Variants in AUTS2 observed in about 807,000 individuals in gnomAD.
AUTS2 encodes the protein autism susceptibility gene 2 protein.
A neutral mutation model predicts 112.4 loss-of-function variants in AUTS2; 17 were observed. The observed-to-expected ratio is 0.15, with a 90% CI of 0.10 to 0.23. AUTS2 has a LOEUF of 0.23. Ranked by LOEUF, AUTS2 falls within the 10% of genes least tolerant of loss-of-function variation. AUTS2 has a pLI of 1.00. For synonymous variants in AUTS2, 751 were observed against 702.7 expected, an observed-to-expected ratio of 1.07 and a Z score of -1.09; for missense variants, 1,510 against 1,701.6, an observed-to-expected ratio of 0.89 and a Z score of 1.98.
chr7:70,505,181 T>G (rs537741893), intron 5 of AUTS2, among the ~76,000 whole-genome samples: 7 of 152,308 alleles, frequency 4.6e-5, no homozygotes, highest in Admixed American at 4.6e-4. Context: ...TATGCGTTCA[T>G]TAGCCTCAGG....
chr7:70,659,771 T>A (rs1360538824), intron 5 of AUTS2, among the ~76,000 whole-genome samples: 1 of 152,094 alleles, frequency 6.6e-6, no homozygotes, highest in Non-Finnish European at 1.5e-5. Flanking sequence ...TAGTGTAATG[T>A]CAAATCGTGG....
chr7:69,651,402 C>T (rs185457751), intron 1 of AUTS2, among the ~76,000 whole-genome samples: 5 of 152,328 alleles, frequency 3.3e-5, no homozygotes, highest in African/African-American at 9.6e-5. Context: ...GGCCATTTTA[C>T]TCCGTGGCTA....
intron 1 of AUTS2, among the ~76,000 whole-genome samples, chr7:69,834,143 C>G (rs1306950372): frequency 6.6e-6 from 1 of 152,168 alleles, no homozygotes; most frequent in African/African-American, 2.4e-5. Context: ...TCCCCTGCAC[C>G]TCTACGTCAC....
chr7:69,688,092 C>A (rs565981767), intron 1 of AUTS2, among the ~76,000 whole-genome samples: 7 of 152,326 alleles, frequency 4.6e-5, no homozygotes, highest in South Asian at 4.1e-4. Flanking sequence ...TGAGTAAATA[C>A]GCATTTGAAC....
intron 14 of AUTS2, among the ~76,000 whole-genome samples, chr7:70,778,678 CTCTT>C (rs1158726562): frequency 3.3e-5 from 5 of 152,104 alleles, no homozygotes; most frequent in African/African-American, 4.8e-5. Context: ...CAGATACCTG[CTCTT>C]TCTTATAACA....
intron 1 of AUTS2, among the ~76,000 whole-genome samples, chr7:69,756,298 C>G (rs1395312798): frequency 6.6e-6 from 1 of 152,176 alleles, no homozygotes; most frequent in Non-Finnish European, 1.5e-5. Flanking sequence ...TACAGACAGG[C>G]TGCTAAAGCC....
chr7:69,935,270 A>G (rs1177713045), intron 2 of AUTS2, among the ~76,000 whole-genome samples: 1 of 149,816 alleles, frequency 6.7e-6, no homozygotes, highest in Non-Finnish European at 1.5e-5. Flanking sequence ...AGGTGTAGAT[A>G]TATGTGTTGC....
chr7:69,816,721 T>G, intron 1 of AUTS2, among the ~76,000 whole-genome samples: 1 of 152,228 alleles, frequency 6.6e-6, no homozygotes. Flanking sequence ...TCCACATTCT[T>G]TTTGTAGATA....
intron 4 of AUTS2, among the ~76,000 whole-genome samples, chr7:70,157,437 G>A (rs942472895): frequency 6.6e-6 from 1 of 151,908 alleles, no homozygotes; most frequent in African/African-American, 2.4e-5. Flanking sequence ...ATGCCACCAT[G>A]CCTGGCTAAT....
rs561959241 is a variant in AUTS2 at position 69,860,519 on chromosome 7, C to T, written c.310-38767C>T. ...TCCAACATCCCCCACACCCCTGCAC[C>T]GGAATCACAATTTACCAGGGAACCA... On this transcript the variant is annotated intron_variant, in intron 1 of 18. Transcript: ENST00000342771. Among the ~76,000 whole-genome samples, 7 of 152,202 alleles carry T rather than the reference C, an allele frequency of 4.6e-5. No individual in the cohort carries two copies. In the East Asian group the frequency reaches 1.2e-3, roughly 25 times the overall value.
At chr7:69,655,086 T>A (rs897887569) in intron 1 of AUTS2, among the ~76,000 whole-genome samples, 1 of 152,152 alleles carries the variant, frequency 6.6e-6, no homozygotes, top group Non-Finnish European at 1.5e-5. Context: ...CAGCATCAGT[T>A]GATGCACCTG....
intron 1 of AUTS2, chr7:69,663,065 G>T (rs1475157585): frequency 6.6e-6 from 1 of 152,178 alleles, no homozygotes; most frequent in Non-Finnish European, 1.5e-5. Context: ...TTTTCTAACT[G>T]ATTGAGATTC....
chr7:70,511,057 C>T (rs1799162036), intron 5 of AUTS2, among the ~76,000 whole-genome samples: 2 of 152,106 alleles, frequency 1.3e-5, no homozygotes, highest in Non-Finnish European at 2.9e-5. Flanking sequence ...CCATGTTGGT[C>T]AGGCTAGTCT....
chr7:70,419,992 T>G (rs1282282210), intron 4 of AUTS2, among the ~76,000 whole-genome samples: 2 of 152,184 alleles, frequency 1.3e-5, no homozygotes, highest in Admixed American at 6.5e-5. Flanking sequence ...CAGTGATAAT[T>G]ATCTCAGAGC....
intron 1 of AUTS2, among the ~76,000 whole-genome samples, chr7:69,829,011 C>A (rs569062868): frequency 4.2e-4 from 64 of 152,214 alleles, no homozygotes; most frequent in African/African-American, 1.4e-3. Context: ...GCTACAGTAA[C>A]CAAAACAGCA....
At chr7:70,053,909 T>C (rs1801875001) in intron 2 of AUTS2, among the ~76,000 whole-genome samples, 1 of 152,144 alleles carries the variant, frequency 6.6e-6, no homozygotes, top group Admixed American at 6.5e-5. Flanking sequence ...AAATGGGAAT[T>C]CTGTGTGCTT....
intron 5 of AUTS2, among the ~76,000 whole-genome samples, chr7:70,549,879 A>G (rs747663115): frequency 2.6e-5 from 4 of 152,178 alleles, no homozygotes; most frequent in Admixed American, 1.3e-4. Flanking sequence ...CCACTGGAAG[A>G]TCTCTGGTCT....
intron 5 of AUTS2, among the ~76,000 whole-genome samples, chr7:70,577,024 T>G (rs11760213): frequency 6.6e-6 from 1 of 152,042 alleles, no homozygotes; most frequent in African/African-American, 2.4e-5. Flanking sequence ...CACCATATGC[T>G]CTGCAGATAG....
intron 1 of AUTS2, among the ~76,000 whole-genome samples, chr7:69,636,426 G>A (rs1209005871): frequency 7.4e-6 from 1 of 135,734 alleles, no homozygotes; most frequent in African/African-American, 2.8e-5. Context: ...GTAGAGATGG[G>A]GTTTCAACAT....
Sources: gnomAD v4.1 joint callset for allele counts (sites outside exome capture counted in the v4.1 genomes callset) on GRCh38, gnomAD v4.1.1 for gene constraint, MANE v1.5 for transcripts, NCBI Gene and HGNC (gene_info 2026-07-23, HGNC 2026-07-21) for gene names.